The following ATAD5 variants were observed in gnomAD, a reference collection of about 807,000 sequenced individuals.
ATAD5 encodes ATPase family AAA domain-containing protein 5.
Under a neutral mutation model 176.9 loss-of-function variants are expected in ATAD5, and 58 were observed. That is an observed-to-expected ratio of 0.33 (90% CI 0.27 to 0.41). ATAD5 has a LOEUF of 0.41. Among genes scored for constraint, ATAD5 ranks in the 10% least tolerant of loss-of-function variants. The pLI, the probability that ATAD5 is intolerant of heterozygous loss-of-function variation, is 1.00. For missense variants in ATAD5, 1,789 were observed against 2,094.1 expected (o/e 0.85, Z 2.84); for synonymous variants, 640 against 712.6 (o/e 0.90, Z 1.62).
At chr17:30,843,171 G>A (rs1906240253) in intron 4 of ATAD5, among the ~76,000 whole-genome samples, 1 of 151,834 alleles carries the variant, frequency 6.6e-6, no homozygotes, top group African/African-American at 2.4e-5. Context: ...GGTCAACATA[G>A]GGAGAACCTG....
At chr17:30,863,727 C>T (rs1476523233) in intron 10 of ATAD5, among the ~76,000 whole-genome samples, 2 of 141,616 alleles carry the variant, frequency 1.4e-5, no homozygotes, top group African/African-American at 5.3e-5. Context: ...TGTAGTGGCA[C>T]AATCTCGGCT....
At chr17:30,878,700 A>G (rs1172357819) in intron 17 of ATAD5, among the ~76,000 whole-genome samples, 1 of 145,978 alleles carries the variant, frequency 6.9e-6, no homozygotes, top group Admixed American at 6.9e-5. Flanking sequence ...AAATCTTATT[A>G]ATCAGAAGTT....
At chr17:30,864,259 G>C (rs1907841056) in intron 10 of ATAD5, 1 of 152,216 alleles carries the variant, frequency 6.6e-6, no homozygotes, top group South Asian at 2.1e-4. Context: ...CAGGAATGCA[G>C]GGAGCTGTGT....
rs1231659240 is a variant in ATAD5 at position 30,850,823 on chromosome 17, TTATATATTTTTA to T, written c.2451-4312_2451-4301del. Among the ~76,000 whole-genome samples, 11 of 60,472 alleles carry T rather than the reference TTATATATTTTTA, an allele frequency of 1.8e-4. No individual in the cohort carries two copies. In the East Asian group the frequency reaches 3.5e-3, roughly 19 times the overall value. The allele number at this position is 60,472 out of a possible 152,430, so 39.7% of individuals were successfully genotyped here. A position where few individuals can be genotyped will look rare whatever the true frequency, so the allele number is the denominator to read the frequency against. ...ATTTTAAAGAAATTATTATTTATAT[TTATATATTTTTA>T]TATATATATATATATATATATATAT... On this transcript the variant is annotated intron_variant, in intron 6 of 22. Transcript: ENST00000321990.
intron 11 of ATAD5, 48 bp downstream of exon 11, chr17:30,865,848 T>C: frequency 7.9e-7 from 1 of 1,269,604 alleles, no homozygotes; most frequent in Non-Finnish European, 1.1e-6. Flanking sequence ...AAACTTAGTT[T>C]TACTGTTTTT....
intron 18 of ATAD5, among the ~76,000 whole-genome samples, chr17:30,883,231 C>T (rs780601625): frequency 2.7e-5 from 4 of 150,868 alleles, no homozygotes; most frequent in Non-Finnish European, 4.4e-5. Flanking sequence ...CTCAAGCAGT[C>T]CTCCCCTCTC....
intron 18 of ATAD5, among the ~76,000 whole-genome samples, chr17:30,881,665 C>T (rs1909018856): frequency 6.6e-6 from 1 of 152,168 alleles, no homozygotes; most frequent in Non-Finnish European, 1.5e-5. Flanking sequence ...GTAATCCCAG[C>T]ACTTTGGGAG....
At chr17:30,861,710 CTG>C (rs1455825427) in intron 10 of ATAD5, 3 of 151,904 alleles carry the variant, frequency 2.0e-5, no homozygotes, top group Non-Finnish European at 4.4e-5. Flanking sequence ...CAGGGTTTCA[CTG>C]TGTGGTCCGG....
chr17:30,861,389 A>G (rs1907625834), intron 10 of ATAD5, among the ~76,000 whole-genome samples: 1 of 143,980 alleles, frequency 6.9e-6, no homozygotes, highest in African/African-American at 2.6e-5. Context: ...TCTTTTGCTC[A>G]TTGCAACTTT....
At chr17:30,860,370 A>G (rs1907553987) in intron 9 of ATAD5, 63 bp from the exon 10 acceptor site, 1 of 1,511,672 alleles carries the variant, frequency 6.6e-7, no homozygotes, top group Non-Finnish European at 8.9e-7. Flanking sequence ...CTTGGAAGTG[A>G]TATTAATATT....
Position 30,859,139 on chromosome 17 carries a change from A to G in ATAD5, c.2956+816A>G, listed in dbSNP as rs1461671607. 2.6e-5 allele frequency among the ~76,000 whole-genome samples: 4 copies of G among 152,354 alleles called. No homozygotes were observed. In the East Asian group the frequency reaches 7.7e-4, roughly 29 times the overall value. The stretch of plus-strand genomic sequence containing the variant: ...CTTGGCAGGGAGAATTGTTCAGCTG[A>G]AGTAAAAGTATCTTGTACAATGCAA... On this transcript the variant is annotated intron_variant, in intron 9 of 22. Coordinates refer to ENST00000321990, the MANE Select transcript of ATAD5 (RefSeq NM_024857.5).
intron 12 of ATAD5, among the ~76,000 whole-genome samples, chr17:30,868,766 A>G (rs977493574): frequency 1.3e-5 from 2 of 151,284 alleles, no homozygotes; most frequent in Non-Finnish European, 2.9e-5. Flanking sequence ...TGGCCTCCCA[A>G]AGTGCTGGGA....
At chr17:30,861,604 C>T (rs981635120) in intron 10 of ATAD5, among the ~76,000 whole-genome samples, 8 of 152,074 alleles carry the variant, frequency 5.3e-5, no homozygotes, top group African/African-American at 1.7e-4. Context: ...CTCTGCCTCC[C>T]GGGTTCAAGT....
At chr17:30,834,107 A>G in intron 1 of ATAD5, 41 bp from the exon 2 acceptor site, 2 of 1,430,136 alleles carry the variant, frequency 1.4e-6, no homozygotes, top group South Asian at 1.5e-5. Flanking sequence ...TTTGTATTAT[A>G]TTGCTTGAAA....
At chr17:30,852,891 CTT>C (rs534378483) in intron 6 of ATAD5, among the ~76,000 whole-genome samples, 31 of 141,474 alleles carry the variant, frequency 2.2e-4, no homozygotes, top group Middle Eastern at 3.3e-3. Flanking sequence ...ATATTTCTTT[CTT>C]TTTTTTTTTT....
At chr17:30,855,866 G>GA (rs563642866) in intron 7 of ATAD5, among the ~76,000 whole-genome samples, 19,824 of 130,370 alleles carry the variant, frequency 0.15, 1,429 homozygotes, top group South Asian at 0.27. Flanking sequence ...CTCAAAAAAA[G>GA]AAAAAAAAAA....
At chr17:30,868,105 C>T (rs1908106287) in intron 11 of ATAD5, among the ~76,000 whole-genome samples, 1 of 152,150 alleles carries the variant, frequency 6.6e-6, no homozygotes, top group Non-Finnish European at 1.5e-5. Context: ...CCATGTAAAA[C>T]TATTTTACTC....
intron 13 of ATAD5, 46 bp from the exon 14 acceptor site, chr17:30,869,450 A>G: frequency 6.2e-7 from 1 of 1,606,766 alleles, no homozygotes; most frequent in Non-Finnish European, 8.5e-7. Flanking sequence ...ATTAAAAGGA[A>G]ACATAAACCA....
At chr17:30,870,124 G>T (rs981415295) in intron 14 of ATAD5, among the ~76,000 whole-genome samples, 4 of 151,926 alleles carry the variant, frequency 2.6e-5, no homozygotes, top group African/African-American at 9.7e-5. Context: ...CAAAAAAAAA[G>T]ATCTATTAAC....
Sources: allele counts gnomAD v4.1 joint callset (sites outside exome capture counted in the v4.1 genomes callset), GRCh38; gene constraint gnomAD v4.1.1; transcripts MANE v1.5; gene names NCBI Gene and HGNC (gene_info 2026-07-23, HGNC 2026-07-21).